The following APBB2 variants were observed in gnomAD, a reference collection of about 807,000 sequenced individuals.
APBB2 encodes the protein amyloid beta precursor protein binding family B member 2, also known as Fe65-like 1.
In APBB2, 38 loss-of-function variants were observed where a neutral mutation model predicts 82.5. The observed-to-expected ratio is 0.46, with a 90% CI of 0.36 to 0.60. The LOEUF (loss-of-function observed/expected upper bound fraction) is 0.60. Ranked by LOEUF, APBB2 falls within the 20% of genes least tolerant of loss-of-function variation. APBB2 has a pLI of 0.00. For synonymous variants in APBB2, 341 were observed against 368.2 expected, an observed-to-expected ratio of 0.93 and a Z score of 0.85; for missense variants, 772 against 972.3, an observed-to-expected ratio of 0.79 and a Z score of 2.74.
At chr4:41,005,129 T>C (rs1200944557) in intron 6 of APBB2, among the ~76,000 whole-genome samples, 1 of 152,160 alleles carries the variant, frequency 6.6e-6, no homozygotes, top group Non-Finnish European at 1.5e-5. Context: ...TCTCACTCTA[T>C]TGCCCAGGCT....
intron 10 of APBB2, among the ~76,000 whole-genome samples, chr4:40,933,116 G>A (rs967205328): frequency 1.3e-5 from 2 of 152,164 alleles, no homozygotes; most frequent in African/African-American, 2.4e-5. Context: ...CGCCGCCCTC[G>A]GCCTCCAAAA....
chr4:41,154,904 C>T (rs1306122313), intron 1 of APBB2, among the ~76,000 whole-genome samples: 1 of 152,210 alleles, frequency 6.6e-6, no homozygotes, highest in East Asian at 1.9e-4. Context: ...GAGATCACAG[C>T]ATATCCATGC....
chr4:41,129,720 A>G (rs920228174), intron 2 of APBB2, among the ~76,000 whole-genome samples: 1 of 152,136 alleles, frequency 6.6e-6, no homozygotes, highest in Admixed American at 6.5e-5. Context: ...AGTCCCCACC[A>G]GACACTAGTC....
At chr4:41,201,061 G>A (rs1776571642) in intron 1 of APBB2, among the ~76,000 whole-genome samples, 1 of 152,172 alleles carries the variant, frequency 6.6e-6, no homozygotes, top group Admixed American at 6.5e-5. Context: ...AGCATCAAAT[G>A]AGATAATCCA....
intron 6 of APBB2, among the ~76,000 whole-genome samples, chr4:40,996,184 T>C (rs1183931647): frequency 6.6e-6 from 1 of 152,226 alleles, no homozygotes; most frequent in Non-Finnish European, 1.5e-5. Flanking sequence ...CATCACTGTA[T>C]TTGAGAGTTC....
chr4:40,837,426 T>G (rs1754334354), intron 12 of APBB2, among the ~76,000 whole-genome samples: 1 of 152,128 alleles, frequency 6.6e-6, no homozygotes, highest in Admixed American at 6.5e-5. Context: ...ACCGGGCGCC[T>G]CACACAGCCA....
intron 12 of APBB2, among the ~76,000 whole-genome samples, chr4:40,870,577 T>C (rs1039226520): frequency 5.3e-5 from 8 of 151,920 alleles, no homozygotes; most frequent in African/African-American, 1.9e-4. Context: ...GTGAGGAAGA[T>C]GGAGGAGCAA....
chr4:41,116,745 G>C (rs1022282539), intron 2 of APBB2, among the ~76,000 whole-genome samples: 33 of 152,146 alleles, frequency 2.2e-4, no homozygotes, highest in Admixed American at 2.0e-3. Flanking sequence ...AAATGAGGGG[G>C]GTTATATGGG....
At chr4:40,962,760 TG>T (rs1793628718) in intron 6 of APBB2, among the ~76,000 whole-genome samples, 1 of 149,274 alleles carries the variant, frequency 6.7e-6, no homozygotes, top group African/African-American at 2.5e-5. Context: ...GGGATTCAGG[TG>T]GGGGTTGGGG....
chr4:40,970,338 T>C (rs997552801), intron 6 of APBB2, among the ~76,000 whole-genome samples: 2 of 152,204 alleles, frequency 1.3e-5, no homozygotes, highest in African/African-American at 4.8e-5. Context: ...TCCTTTCGCA[T>C]GGCACTGCAC....
At chr4:41,126,082 C>T (rs560154844) in intron 2 of APBB2, among the ~76,000 whole-genome samples, 1 of 152,128 alleles carries the variant, frequency 6.6e-6, no homozygotes, top group African/African-American at 2.4e-5. Flanking sequence ...CAGCTTCCAA[C>T]AAAAATGATC....
At chr4:41,191,096 A>C (rs11932112) in intron 1 of APBB2, among the ~76,000 whole-genome samples, 64,207 of 151,998 alleles carry the variant, frequency 0.42, 14,982 homozygotes, top group African/African-American at 0.63. Context: ...AAACATCTCA[A>C]TGACAGCAGC....
intron 1 of APBB2, among the ~76,000 whole-genome samples, chr4:41,192,410 C>G (rs1384555684): frequency 2.0e-5 from 3 of 152,090 alleles, no homozygotes. Flanking sequence ...TACAAAGGAA[C>G]AGATAAAGAA....
chr4:40,861,361 A>ATT (rs529439230), intron 12 of APBB2, among the ~76,000 whole-genome samples: 1 of 148,522 alleles, frequency 6.7e-6, no homozygotes, highest in Non-Finnish European at 1.5e-5. Context: ...AAAAAAAAAA[A>ATT]TTTTTTTTTT....
intron 6 of APBB2, among the ~76,000 whole-genome samples, chr4:40,982,309 A>AAGGAAGGAAGGAAG (rs1560447022): frequency 7.5e-5 from 2 of 26,830 alleles, no homozygotes; most frequent in Non-Finnish European, 8.7e-5. Context: ...AAGGAAGGAA[A>AAGGAAGGAAGGAAG]GAAAGAAAGA....
At chr4:40,864,162 G>A (rs1030535437) in intron 12 of APBB2, among the ~76,000 whole-genome samples, 3 of 152,056 alleles carry the variant, frequency 2.0e-5, no homozygotes, top group Non-Finnish European at 4.4e-5. Flanking sequence ...GCTGAGGCAG[G>A]AGAATTGCTT....
At chr4:41,121,894 TGTG>T (rs1752938734) in intron 2 of APBB2, among the ~76,000 whole-genome samples, 16 of 149,752 alleles carry the variant, frequency 1.1e-4, no homozygotes, top group Non-Finnish European at 7.4e-5. Flanking sequence ...CTTTTTTGGT[TGTG>T]TGTGTGTGTG....
intron 3 of APBB2, among the ~76,000 whole-genome samples, chr4:41,067,181 A>C (rs1211445288): frequency 3.2e-4 from 49 of 152,160 alleles, no homozygotes; most frequent in Non-Finnish European, 1.5e-4. Flanking sequence ...AGGCCAAGGC[A>C]GGCGGATCAC....
At position 41,183,099 on chromosome 4, in the gene APBB2, C is replaced by T. The variant is rs571019435; in HGVS notation, c.-417+31306G>A. ...CCCAGGAGAGCCATCCTTGTCTATG[C>T]TTACATTCTCTTTCTCTCTCTCTCA... is the stretch of plus-strand genomic sequence containing the variant. On this transcript the variant is annotated intron_variant, in intron 1 of 17. Transcript: ENST00000508593. Among the ~76,000 whole-genome samples the T allele has an allele frequency of 2.0e-4, 31 of 152,282 alleles. 1 individual carries two copies. The highest frequency in any genetic ancestry group is 2.0e-3 in the Admixed American group (31 of 15,300).
Sources: gnomAD v4.1 joint callset for allele counts (sites outside exome capture counted in the v4.1 genomes callset) on GRCh38, gnomAD v4.1.1 for gene constraint, MANE v1.5 for transcripts, NCBI Gene and HGNC (gene_info 2026-07-23, HGNC 2026-07-21) for gene names.